The following LDLRAD3 variants were observed in gnomAD, a reference collection of about 807,000 sequenced individuals.
LDLRAD3 encodes low-density lipoprotein receptor class A domain-containing protein 3.
LDLRAD3 carries 20 observed loss-of-function variants against 29.4 expected under a neutral mutation model. The ratio of observed to expected loss-of-function variants is 0.68; its 90% CI spans 0.48 to 0.99. LDLRAD3 has a LOEUF of 0.99. Among genes scored for constraint, LDLRAD3 ranks in the 50% least tolerant of loss-of-function variants. LDLRAD3 has a pLI of 0.00. For synonymous variants in LDLRAD3, 157 were observed against 192.7 expected, an observed-to-expected ratio of 0.81 and a Z score of 1.53; for missense variants, 420 against 454.3, an observed-to-expected ratio of 0.92 and a Z score of 0.69.
intron 4 of LDLRAD3, among the ~76,000 whole-genome samples, chr11:36,191,095 G>A (rs866641745): frequency 1.8e-4 from 28 of 152,178 alleles, no homozygotes; most frequent in African/African-American, 6.5e-4. Flanking sequence ...ATGGGAAATT[G>A]GGGATCCAAC....
rs182059928 is a variant in LDLRAD3 at position 36,073,096 on chromosome 11, G to A, written c.194-8557G>A. ...AGTAGAGCTCATTGCTGGTGTTTTT[G>A]TAAGTCTTTGTGTAAAATAAAAAGT... On this transcript the variant is annotated intron_variant, in intron 2 of 5. Transcript: ENST00000315571. 2.6e-4 allele frequency among the ~76,000 whole-genome samples: 39 copies of A among 152,326 alleles called. No individual in the cohort carries two copies. The East Asian group carries it at 6.9e-3, about 27-fold the overall frequency.
chr11:36,133,470 T>C (rs2133308167), intron 4 of LDLRAD3, among the ~76,000 whole-genome samples: 1 of 152,046 alleles, frequency 6.6e-6, no homozygotes, highest in Admixed American at 6.5e-5. Flanking sequence ...GCAGTCCTCC[T>C]GCCTCAGCCT....
chr11:36,108,392 G>A (rs73454628), intron 4 of LDLRAD3, among the ~76,000 whole-genome samples: 28,565 of 142,342 alleles, frequency 0.2, 2,909 homozygotes, highest in Admixed American at 0.27. Context: ...AATAAAAATT[G>A]TATCTTAGAA....
At chr11:35,963,597 A>C (rs1032499064) in intron 1 of LDLRAD3, among the ~76,000 whole-genome samples, 5 of 152,166 alleles carry the variant, frequency 3.3e-5, no homozygotes, top group African/African-American at 9.7e-5. Context: ...CTTTGCGGAA[A>C]ACAGCAGGAT....
At chr11:36,078,100 TCTC>T (rs879705901) in intron 2 of LDLRAD3, among the ~76,000 whole-genome samples, 5 of 152,076 alleles carry the variant, frequency 3.3e-5, no homozygotes, top group African/African-American at 7.2e-5. Context: ...TGTCCTGTTG[TCTC>T]CTCAAGTCTG....
chr11:36,216,191 T>A (rs1270976369), intron 4 of LDLRAD3, among the ~76,000 whole-genome samples: 2 of 152,218 alleles, frequency 1.3e-5, no homozygotes, highest in Non-Finnish European at 2.9e-5. Context: ...CAGCTTCATC[T>A]TCTTCCATCG....
At chr11:36,003,978 G>A (rs1851854977) in intron 1 of LDLRAD3, among the ~76,000 whole-genome samples, 1 of 152,068 alleles carries the variant, frequency 6.6e-6, no homozygotes, top group South Asian at 2.1e-4. Context: ...AACAGCAAAG[G>A]GGAAATCTGC....
intron 1 of LDLRAD3, among the ~76,000 whole-genome samples, chr11:35,966,529 T>G (rs1438223588): frequency 6.6e-6 from 1 of 152,184 alleles, no homozygotes; most frequent in East Asian, 1.9e-4. Context: ...GGCCAAATTC[T>G]GATAAAATAA....
chr11:36,083,761 CACACACACACACACACACA>C (rs1853152976), intron 3 of LDLRAD3, among the ~76,000 whole-genome samples: 5 of 151,298 alleles, frequency 3.3e-5, no homozygotes, highest in South Asian at 2.1e-4. Flanking sequence ...CACACACACA[CACACACACACACACACACA>C]CCCCAGAATA....
chr11:35,984,016 A>G (rs1301065583), intron 1 of LDLRAD3, among the ~76,000 whole-genome samples: 1 of 152,022 alleles, frequency 6.6e-6, no homozygotes, highest in Admixed American at 6.6e-5. Context: ...ATGATGAAGG[A>G]TTTTTTCTGC....
intron 5 of LDLRAD3, among the ~76,000 whole-genome samples, 161 bp downstream of exon 5, chr11:36,227,591 T>A (rs114845917): frequency 0.014 from 2,065 of 152,324 alleles, 36 homozygotes; most frequent in African/African-American, 0.045. Flanking sequence ...CAAAATTCTC[T>A]ACATGTATCA....
rs550236798 is a variant in LDLRAD3 at position 36,110,185 on chromosome 11, CG to C, written c.454+11725del. On this transcript the variant is annotated intron_variant, in intron 4 of 5. Coordinates refer to ENST00000315571, the MANE Select transcript of LDLRAD3 (RefSeq NM_174902.4). ...AGCAGGAGTTTGAAGATTTCTGAAA[CG>C]TCTTTCATTTAGAAGCAAGTCAGAA... 2.1e-3 allele frequency: 321 copies of C among 152,322 alleles called. 1 individual carries two copies. The highest frequency in any genetic ancestry group is 7.0e-3 in the African/African-American group (289 of 41,564). 9.4% of individuals were successfully genotyped at this position (152,322 alleles called of 1,614,324 possible).
At chr11:36,083,851 G>A (rs12421304) in intron 3 of LDLRAD3, among the ~76,000 whole-genome samples, 24,880 of 151,732 alleles carry the variant, frequency 0.16, 2,241 homozygotes, top group East Asian at 0.37. Context: ...AAATGATTAT[G>A]TCATCCTATA....
chr11:36,191,924 G>T (rs1476793635), intron 4 of LDLRAD3, among the ~76,000 whole-genome samples: 1 of 152,076 alleles, frequency 6.6e-6, no homozygotes, highest in Non-Finnish European at 1.5e-5. Flanking sequence ...CAGTGGCAGA[G>T]ATGGTAATAA....
At chr11:36,086,681 G>T (rs146054255) in intron 3 of LDLRAD3, among the ~76,000 whole-genome samples, 1 of 152,116 alleles carries the variant, frequency 6.6e-6, no homozygotes, top group African/African-American at 2.4e-5. Flanking sequence ...GTTCTTTCCA[G>T]TTCCCTGGGG....
At position 36,213,021 on chromosome 11, in the gene LDLRAD3, T is replaced by C. The variant is rs930872132; in HGVS notation, c.455-14064T>C. 6.6e-6 allele frequency among the ~76,000 whole-genome samples: 1 copy of C among 151,394 alleles called. No individual in the cohort carries two copies. The highest frequency in any genetic ancestry group is 1.5e-5 in the Non-Finnish European group (1 of 67,938). On this transcript the variant is annotated intron_variant, in intron 4 of 5. Transcript: ENST00000315571. This position sits in a 1 kb window ranked among gnomAD's most constrained non-coding sequence, Gnocchi z 4.1. ...TTCATTCGGTCTTCAGTTTAGAACT[T>C]TCTTCTCTCTCTGTCTCTCTCTCCC... is the stretch of plus-strand genomic sequence containing the variant.
At chr11:36,105,483 A>T (rs2133281719) in intron 4 of LDLRAD3, among the ~76,000 whole-genome samples, 1 of 152,114 alleles carries the variant, frequency 6.6e-6, no homozygotes, top group Middle Eastern at 3.4e-3. Flanking sequence ...TCAGAGTGTG[A>T]CCTTATTTGG....
At chr11:35,965,749 GAC>G (rs796562123) in intron 1 of LDLRAD3, among the ~76,000 whole-genome samples, 10 of 152,060 alleles carry the variant, frequency 6.6e-5, no homozygotes, top group African/African-American at 1.9e-4. Flanking sequence ...TGGGGTCAGA[GAC>G]ACACTATTTT....
At chr11:36,018,139 G>A (rs747281819) in intron 1 of LDLRAD3, among the ~76,000 whole-genome samples, 5 of 152,154 alleles carry the variant, frequency 3.3e-5, no homozygotes, top group South Asian at 2.1e-4. Flanking sequence ...GTCTTGCCCC[G>A]TCTTAAAATG....
Sources: allele counts gnomAD v4.1 joint callset (sites outside exome capture counted in the v4.1 genomes callset), GRCh38; gene constraint gnomAD v4.1.1; non-coding constraint Gnocchi (gnomAD v3.1); transcripts MANE v1.5; gene names NCBI Gene and HGNC (gene_info 2026-07-23, HGNC 2026-07-21).